The following CAST variants were observed in gnomAD, a reference collection of about 807,000 sequenced individuals.
CAST encodes MIR583 host.
In CAST, 76 loss-of-function variants were observed where a neutral mutation model predicts 119.6. The observed-to-expected ratio is 0.64, with a 90% CI of 0.53 to 0.77. CAST has a LOEUF of 0.77. CAST is among the 30% of genes least tolerant of loss of function. The pLI is 0.00. For synonymous variants in CAST, 319 were observed against 331.6 expected (o/e 0.96, Z 0.41); for missense variants, 953 against 946.5 (o/e 1.01, Z -0.09).
chr5:96,394,966 G>A, the CAST span: 2 of 1,613,928 alleles, frequency 1.2e-6, no homozygotes, highest in East Asian at 2.2e-5. Flanking sequence ...GCTGAGAAGA[G>A]GTCCCGTGCA....
At chr5:96,454,135 G>A in the CAST span, among the ~76,000 whole-genome samples, 2 of 151,860 alleles carry the variant, frequency 1.3e-5, no homozygotes. Context: ...TAGAGCTATT[G>A]TAGCCTATCT....
chr5:96,569,842 T>C (rs1403498656), intron 1 of CAST, among the ~76,000 whole-genome samples: 3 of 152,370 alleles, frequency 2.0e-5, no homozygotes, highest in East Asian at 1.9e-4. Context: ...TTCCCTCTTA[T>C]ATGTGCACAA....
the CAST span, chr5:96,408,338 G>C: frequency 1.9e-6 from 3 of 1,601,170 alleles, no homozygotes; most frequent in South Asian, 1.1e-5. Context: ...ATGACGTCAG[G>C]AAGGAGAGAA....
chr5:96,643,941 C>A (rs1013764021), intron 1 of CAST, among the ~76,000 whole-genome samples: 36 of 151,804 alleles, frequency 2.4e-4, no homozygotes, highest in Non-Finnish European at 4.1e-4. Flanking sequence ...CCCATCTACT[C>A]AGGAGACTGA....
chr5:96,311,124 T>C, the CAST span, among the ~76,000 whole-genome samples: 1 of 152,250 alleles, frequency 6.6e-6, no homozygotes, highest in Admixed American at 6.5e-5. Context: ...TTATATGTTG[T>C]GTCTCTATTT....
the CAST span, among the ~76,000 whole-genome samples, chr5:96,176,294 A>G: frequency 2.6e-5 from 4 of 152,220 alleles, no homozygotes; most frequent in South Asian, 6.2e-4. Context: ...CAGTCTAGAG[A>G]AAGGAGCAGG....
At chr5:96,207,851 G>A in the CAST span, among the ~76,000 whole-genome samples, 21 of 152,046 alleles carry the variant, frequency 1.4e-4, no homozygotes, top group African/African-American at 5.1e-4. Context: ...CAACTTTTTG[G>A]AAAAGTTTAA....
chr5:96,451,429 T>G, the CAST span, among the ~76,000 whole-genome samples: 1 of 152,304 alleles, frequency 6.6e-6, no homozygotes, highest in East Asian at 1.9e-4. Context: ...TTGGGAAAAT[T>G]GGCTAGCCAT....
rs182798411 is a variant in CAST at position 96,582,181 on chromosome 5, C to T, written c.60+52301C>T. ...TCTACAAATTAGGCAGAGTGACCTT[C>T]TTATGGTAAAGGAAAAGAAAGAGAG... On this transcript the variant is annotated intron_variant, in intron 1 of 11. Coordinates refer to the CAST transcript ENST00000505143. Among the ~76,000 whole-genome samples, 167 of 150,812 alleles carry T rather than the reference C, an allele frequency of 1.1e-3. 1 individual carries two copies. The highest frequency in any genetic ancestry group is 1.4e-3 in the Admixed American group (20 of 14,648).
chr5:96,328,290 C>G, the CAST span, among the ~76,000 whole-genome samples: 1 of 152,040 alleles, frequency 6.6e-6, no homozygotes, highest in Non-Finnish European at 1.5e-5. Flanking sequence ...TTTTATTGCA[C>G]TGGATGGAGT....
chr5:96,124,993 T>G, the CAST span, among the ~76,000 whole-genome samples: 1 of 152,180 alleles, frequency 6.6e-6, no homozygotes, highest in Non-Finnish European at 1.5e-5. Context: ...TCTCCCTTGA[T>G]TAAATTTTTA....
intron 1 of CAST, among the ~76,000 whole-genome samples, chr5:96,557,367 C>A (rs1402114619): frequency 6.6e-6 from 1 of 151,876 alleles, no homozygotes. Flanking sequence ...CAATATTAAC[C>A]TTAAATGTAA....
At chr5:96,035,196 A>G in the CAST span, among the ~76,000 whole-genome samples, 1 of 112,428 alleles carries the variant, frequency 8.9e-6, no homozygotes, top group African/African-American at 3.4e-5. Context: ...TAAAATAAGT[A>G]TATATAAAAA....
the CAST span, among the ~76,000 whole-genome samples, chr5:95,966,493 T>C: frequency 2.0e-5 from 3 of 152,158 alleles, no homozygotes; most frequent in Non-Finnish European, 4.4e-5. Flanking sequence ...TTAGGAGGTG[T>C]TATCCCATCT....
chr5:96,411,028 T>G, the CAST span: 1 of 1,379,406 alleles, frequency 7.2e-7, no homozygotes, highest in South Asian at 1.2e-5. Context: ...TTATCATCTA[T>G]TGGGGTCATT....
At chr5:96,142,651 A>T in the CAST span, among the ~76,000 whole-genome samples, 1 of 152,180 alleles carries the variant, frequency 6.6e-6, no homozygotes. Context: ...CTTCAGCCCC[A>T]AGTGAACTTT....
At chr5:96,549,209 A>G (rs1278758295) in intron 1 of CAST, among the ~76,000 whole-genome samples, 2 of 152,244 alleles carry the variant, frequency 1.3e-5, no homozygotes, top group East Asian at 1.9e-4. Flanking sequence ...TAGCACATGA[A>G]TACACAAGTC....
chr5:96,413,296 T>C, the CAST span, among the ~76,000 whole-genome samples: 2 of 152,152 alleles, frequency 1.3e-5, no homozygotes, highest in Admixed American at 6.5e-5. Context: ...CTGTCACCCG[T>C]CATCAGACTT....
the CAST span, among the ~76,000 whole-genome samples, chr5:96,352,802 GTTCTC>G: frequency 1.3e-5 from 2 of 152,048 alleles, no homozygotes; most frequent in African/African-American, 2.4e-5. Flanking sequence ...TCTCCATATT[GTTCTC>G]TTAATAGTGA....
Sources: gnomAD v4.1 joint callset for allele counts (sites outside exome capture counted in the v4.1 genomes callset) on GRCh38, gnomAD v4.1.1 for gene constraint, MANE v1.5 for transcripts, NCBI Gene and HGNC (gene_info 2026-07-23, HGNC 2026-07-21) for gene names.